The following WDFY4 variants were observed in gnomAD, a reference collection of about 807,000 sequenced individuals.
WDFY4 encodes the protein WD repeat- and FYVE domain-containing protein 4.
In WDFY4, 169 loss-of-function variants were observed where a neutral mutation model predicts 351.9. That is an observed-to-expected ratio of 0.48 (90% CI 0.42 to 0.55). The LOEUF is 0.55. Among genes scored for constraint, WDFY4 ranks in the 20% least tolerant of loss-of-function variants. The pLI is 0.00. For synonymous variants in WDFY4, 1,622 were observed against 1,574.6 expected (o/e 1.03, Z -0.71); for missense variants, 3,803 against 3,935.6 (o/e 0.97, Z 0.90).
At chr10:48,836,579 T>C (rs1412582333) in intron 39 of WDFY4, among the ~76,000 whole-genome samples, 1 of 152,234 alleles carries the variant, frequency 6.6e-6, no homozygotes, top group Non-Finnish European at 1.5e-5. Context: ...ATAGAATTCA[T>C]AATTCCTCTT....
chr10:48,818,988 C>T (rs529197297), intron 32 of WDFY4, among the ~76,000 whole-genome samples: 5 of 152,344 alleles, frequency 3.3e-5, no homozygotes, highest in Admixed American at 2.0e-4. Context: ...CTAACATTCT[C>T]TACCCAGATG....
At position 48,753,584 on chromosome 10, in the gene WDFY4, C is replaced by T. The variant is rs2065246852; in HGVS notation, c.2460-6763C>T. On this transcript the variant is annotated intron_variant, in intron 12 of 61. Coordinates refer to ENST00000325239, the MANE Select transcript of WDFY4 (RefSeq NM_001394531.1). ...TTCAACTTCATTCTTTTGCTTATAG[C>T]TATTCAACTGCTCTGGTACCATTAG... is the stretch of plus-strand genomic sequence containing the variant. 2.6e-5 allele frequency among the ~76,000 whole-genome samples: 4 copies of T among 152,174 alleles called. No homozygotes were observed. In the South Asian group the frequency reaches 8.3e-4, roughly 31 times the overall value.
intron 47 of WDFY4, among the ~76,000 whole-genome samples, chr10:48,902,751 T>C (rs1837420505): frequency 1.3e-5 from 2 of 151,556 alleles, no homozygotes; most frequent in African/African-American, 2.4e-5. Context: ...ACCAAGCAGA[T>C]AGAGGTGGGC....
Position 48,846,615 on chromosome 10 carries a change from G to A in WDFY4, c.6663+13906G>A, listed in dbSNP as rs12267445. The stretch of plus-strand genomic sequence containing the variant: ...TTATGCACAATGGCTGCATCTATGG[G>A]GACCCAGCCTAAAGGAGGGAGAAAT... On this transcript the variant is annotated intron_variant, in intron 39 of 61. Transcript: ENST00000325239. Among the ~76,000 whole-genome samples, 1,269 of 152,292 alleles carry A rather than the reference G, an allele frequency of 8.3e-3. 18 individuals are homozygous for A. Among genetic ancestry groups the A allele is most frequent in the African/African-American group, 0.029 (1,211 of 41,540 alleles).
intron 1 of WDFY4, among the ~76,000 whole-genome samples, chr10:48,690,606 G>C (rs543714411): frequency 5.3e-5 from 8 of 152,276 alleles, no homozygotes; most frequent in Non-Finnish European, 8.8e-5. Context: ...TCAGCAGAGG[G>C]GATATGTCCT....
chr10:48,796,220 T>C (rs2066869916), intron 23 of WDFY4, 78 bp from the exon 24 acceptor site: 3 of 1,463,054 alleles, frequency 2.1e-6, no homozygotes, highest in Non-Finnish European at 2.7e-6. Context: ...GTTTGCAGAC[T>C]GGACTGGGAC....
chr10:48,790,435 G>C, intron 22 of WDFY4, among the ~76,000 whole-genome samples: 1 of 152,220 alleles, frequency 6.6e-6, no homozygotes, highest in East Asian at 1.9e-4. Flanking sequence ...TGAGGCTCAG[G>C]GGTCTGGCTC....
At chr10:48,748,066 A>G (rs888653106) in intron 12 of WDFY4, among the ~76,000 whole-genome samples, 1 of 152,092 alleles carries the variant, frequency 6.6e-6, no homozygotes, top group Non-Finnish European at 1.5e-5. Flanking sequence ...TGTTCTCTAT[A>G]TTTCAGGGGC....
intron 13 of WDFY4, among the ~76,000 whole-genome samples, chr10:48,772,370 T>G (rs944720551): frequency 6.6e-6 from 1 of 152,042 alleles, no homozygotes; most frequent in Non-Finnish European, 1.5e-5. Context: ...GATGTGTGTG[T>G]GGACACATGT....
rs1292327290 is a variant in WDFY4, at chr10:48,778,798, T to A, written c.3363T>A (p.Val1121=). The A allele has an allele frequency of 6.4e-7, 1 of 1,551,446 alleles. No individual in the cohort carries two copies. Among genetic ancestry groups the A allele is most frequent in the East Asian group, 2.4e-5 (1 of 40,914 alleles). Residue 1121 remains valine (V), a synonymous_variant, in exon 18 of 62, where the codon GTT becomes GTA. Transcript: ENST00000325239. ...TCTGCCCAGACGACCTCTCCTTGGTTGTTTCTACAGAAGAGAAGGAGTTTC... is the reference window on the plus strand; with the variant it reads ...TCTGCCCAGACGACCTCTCCTTGGTAGTTTCTACAGAAGAGAAGGAGTTTC... The part of the protein sequence containing the change: ...VSLCPDDLSL[V]VSTEEKEFQP...
chr10:48,744,750 T>C (rs1408350906), intron 12 of WDFY4, among the ~76,000 whole-genome samples: 1 of 152,238 alleles, frequency 6.6e-6, no homozygotes, highest in African/African-American at 2.4e-5. Flanking sequence ...CTCATGAGAA[T>C]GCACTTCTGT....
At chr10:48,737,044 G>C (rs1475304583) in intron 11 of WDFY4, among the ~76,000 whole-genome samples, 1 of 152,122 alleles carries the variant, frequency 6.6e-6, no homozygotes, top group Non-Finnish European at 1.5e-5. Flanking sequence ...TCACAGTTTT[G>C]TTGCTGTTCC....
chr10:48,855,630 T>G (rs906304304), intron 39 of WDFY4, among the ~76,000 whole-genome samples: 3 of 152,022 alleles, frequency 2.0e-5, no homozygotes, highest in African/African-American at 7.2e-5. Flanking sequence ...ATTAAAACAA[T>G]TTTTAAAATG....
chr10:48,975,331 T>C (rs1346354167), intron 58 of WDFY4, among the ~76,000 whole-genome samples: 1 of 152,176 alleles, frequency 6.6e-6, no homozygotes, highest in African/African-American at 2.4e-5. Context: ...GAGGGTTTTG[T>C]TGGATGTGGC....
chr10:48,968,926 G>A (rs1228816891), intron 55 of WDFY4, 138 bp from the exon 56 acceptor site: 3 of 842,008 alleles, frequency 3.6e-6, no homozygotes, highest in Non-Finnish European at 3.7e-6. Flanking sequence ...TCCTGCCCAG[G>A]GCCCAGCTGC....
At chr10:48,714,985 C>A (rs1297988011) in intron 2 of WDFY4, among the ~76,000 whole-genome samples, 1 of 152,230 alleles carries the variant, frequency 6.6e-6, no homozygotes, top group African/African-American at 2.4e-5. Context: ...CAAGCATAGG[C>A]CTCAAGAGGC....
chr10:48,811,109 G>A (rs1481598871), intron 29 of WDFY4, among the ~76,000 whole-genome samples: 1 of 152,108 alleles, frequency 6.6e-6, no homozygotes, highest in African/African-American at 2.4e-5. Flanking sequence ...CCCTGAATTG[G>A]GACACCTCTG....
chr10:48,948,413 G>C (rs1327313055), intron 51 of WDFY4, among the ~76,000 whole-genome samples: 2 of 152,220 alleles, frequency 1.3e-5, no homozygotes, highest in South Asian at 4.1e-4. Context: ...GATAGTGATG[G>C]ATTCCGCCAC....
intron 19 of WDFY4, 87 bp downstream of exon 19, chr10:48,780,206 T>C: frequency 6.9e-7 from 1 of 1,452,648 alleles, no homozygotes; most frequent in Non-Finnish European, 9.3e-7. Context: ...TTCTATGTTT[T>C]TGTTGTTGTT....
Sources: allele counts gnomAD v4.1 joint callset (sites outside exome capture counted in the v4.1 genomes callset), GRCh38; gene constraint gnomAD v4.1.1; transcripts MANE v1.5; gene names NCBI Gene and HGNC (gene_info 2026-07-23, HGNC 2026-07-21).